Variants in CSGALNACT1 observed in about 807,000 individuals in gnomAD.
CSGALNACT1 encodes beta4GalNAcT-1.
CSGALNACT1 carries 52 observed loss-of-function variants against 51.0 expected under a neutral mutation model. That is an observed-to-expected ratio of 1.02 (90% CI 0.82 to 1.29). The LOEUF (loss-of-function observed/expected upper bound fraction) is 1.29, where lower values mean the gene tolerates loss of function less well. Among genes scored for constraint, CSGALNACT1 ranks in the 50% most tolerant of loss-of-function variants. The pLI, the probability that CSGALNACT1 is intolerant of heterozygous loss-of-function variation, is 0.00. For synonymous variants in CSGALNACT1, 341 were observed against 254.4 expected, an observed-to-expected ratio of 1.34 and a Z score of -3.24; for missense variants, 935 against 679.2, an observed-to-expected ratio of 1.38 and a Z score of -4.19.
At chr8:19,477,725 A>C (rs2153897533) in intron 4 of CSGALNACT1, among the ~76,000 whole-genome samples, 1 of 152,332 alleles carries the variant, frequency 6.6e-6, no homozygotes, top group Middle Eastern at 3.4e-3. Flanking sequence ...CTATGTCTTC[A>C]CTTCTAAAAT....
At chr8:19,416,640 A>G (rs1563288875) in intron 8 of CSGALNACT1, among the ~76,000 whole-genome samples, 1 of 152,148 alleles carries the variant, frequency 6.6e-6, no homozygotes, top group Non-Finnish European at 1.5e-5. Flanking sequence ...TAGATACTGA[A>G]TACCATCGTG....
At chr8:19,587,771 G>C (rs1188929760) in intron 3 of CSGALNACT1, 1 of 152,194 alleles carries the variant, frequency 6.6e-6, no homozygotes, top group Non-Finnish European at 1.5e-5. Flanking sequence ...AGTTATCAAA[G>C]GGGAAGGCTT....
At chr8:19,709,403 C>T (rs1411296657) in intron 1 of CSGALNACT1, among the ~76,000 whole-genome samples, 1 of 152,160 alleles carries the variant, frequency 6.6e-6, no homozygotes, top group Non-Finnish European at 1.5e-5. Flanking sequence ...AGAAAGCAAA[C>T]AAATTAACAG....
intron 3 of CSGALNACT1, among the ~76,000 whole-genome samples, chr8:19,586,520 C>T (rs186025399): frequency 1.3e-5 from 2 of 152,148 alleles, no homozygotes; most frequent in African/African-American, 4.8e-5. Context: ...TTGCAGGTAA[C>T]TGGCACCACC....
chr8:19,720,725 GA>G (rs1419570385), intron 1 of CSGALNACT1, among the ~76,000 whole-genome samples: 1 of 152,128 alleles, frequency 6.6e-6, no homozygotes, highest in East Asian at 1.9e-4. Context: ...GCCCAAAAGG[GA>G]AAAAGCTTTC....
intron 3 of CSGALNACT1, among the ~76,000 whole-genome samples, chr8:19,508,644 C>T (rs368822679): frequency 5.3e-5 from 8 of 152,198 alleles, no homozygotes; most frequent in African/African-American, 1.7e-4. Flanking sequence ...GCTATTCTGC[C>T]ACTTTCAACA....
chr8:19,611,770 G>T (rs2154153106), intron 1 of CSGALNACT1, among the ~76,000 whole-genome samples: 1 of 152,196 alleles, frequency 6.6e-6, no homozygotes, highest in Admixed American at 6.5e-5. Context: ...TCTTTTGCAT[G>T]GTAGCAGCAG....
intron 3 of CSGALNACT1, among the ~76,000 whole-genome samples, chr8:19,542,131 T>G (rs1198706791): frequency 2.0e-5 from 3 of 152,072 alleles, no homozygotes; most frequent in Admixed American, 2.0e-4. Flanking sequence ...AATGCTTTCT[T>G]CTGTGAGCTC....
intron 1 of CSGALNACT1, among the ~76,000 whole-genome samples, chr8:19,750,621 G>C (rs2064971363): frequency 6.6e-6 from 1 of 152,140 alleles, no homozygotes; most frequent in Non-Finnish European, 1.5e-5. Flanking sequence ...GAGATGTTTA[G>C]TAATGGAACA....
chr8:19,607,029 C>G (rs1200260594), upstream of CSGALNACT1, among the ~76,000 whole-genome samples: 1 of 152,046 alleles, frequency 6.6e-6, no homozygotes, highest in Non-Finnish European at 1.5e-5. Flanking sequence ...GTGGCAGGCG[C>G]CTGTAGTCCC....
chr8:19,507,454 C>A (rs1287565501), intron 3 of CSGALNACT1, among the ~76,000 whole-genome samples: 1 of 149,408 alleles, frequency 6.7e-6, no homozygotes, highest in Non-Finnish European at 1.5e-5. Flanking sequence ...ATGGACATTT[C>A]CACAGCACAC....
chr8:19,551,487 A>G (rs1038205381), intron 3 of CSGALNACT1, among the ~76,000 whole-genome samples: 1 of 152,222 alleles, frequency 6.6e-6, no homozygotes, highest in African/African-American at 2.4e-5. Flanking sequence ...GAGACAGATT[A>G]GAGCATTTCC....
chr8:19,482,299 T>G (rs1413586333), intron 4 of CSGALNACT1, among the ~76,000 whole-genome samples: 3 of 152,228 alleles, frequency 2.0e-5, no homozygotes, highest in African/African-American at 7.2e-5. Context: ...TTAATTAATT[T>G]TTGTTTAAAA....
chr8:19,427,484 T>G (rs1207317840), intron 6 of CSGALNACT1, among the ~76,000 whole-genome samples: 2 of 152,202 alleles, frequency 1.3e-5, no homozygotes, highest in Non-Finnish European at 2.9e-5. Context: ...GCATGGAGTT[T>G]CCTTAGAAAA....
chr8:19,427,511 G>A (rs1481234404), intron 6 of CSGALNACT1, among the ~76,000 whole-genome samples: 5 of 152,092 alleles, frequency 3.3e-5, no homozygotes, highest in Admixed American at 6.5e-5. Flanking sequence ...GGTGGCAGCC[G>A]GGTGTGGTGG....
intron 1 of CSGALNACT1, among the ~76,000 whole-genome samples, chr8:19,755,463 A>AAAAAAAAAAAAAAAAAAAG: frequency 8.4e-6 from 1 of 119,142 alleles, no homozygotes; most frequent in Non-Finnish European, 1.7e-5. Context: ...AGACAAAAAA[A>AAAAAAAAAAAAAAAAAAAG]AAAAAAAAAA....
chr8:19,440,119 A>C (rs1205312334), intron 5 of CSGALNACT1, among the ~76,000 whole-genome samples, 188 bp from the exon 5 acceptor site: 1 of 152,214 alleles, frequency 6.6e-6, no homozygotes, highest in African/African-American at 2.4e-5. Flanking sequence ...TATTCATCTT[A>C]TCGGGACAAC....
At chr8:19,618,970 T>G (rs1290615808) in intron 1 of CSGALNACT1, among the ~76,000 whole-genome samples, 3 of 152,118 alleles carry the variant, frequency 2.0e-5, no homozygotes, top group Admixed American at 2.0e-4. Flanking sequence ...TCATGCCCCC[T>G]TCCTCCAGCA....
chr8:19,522,108 A>G (rs1281853290), intron 3 of CSGALNACT1, among the ~76,000 whole-genome samples: 1 of 152,214 alleles, frequency 6.6e-6, no homozygotes, highest in African/African-American at 2.4e-5. Context: ...GGCTTGTCTT[A>G]TAGAGTCCTC....
Sources: allele counts gnomAD v4.1 joint callset (sites outside exome capture counted in the v4.1 genomes callset), GRCh38; gene constraint gnomAD v4.1.1; transcripts MANE v1.5; gene names NCBI Gene and HGNC (gene_info 2026-07-23, HGNC 2026-07-21).